The following CIT variants were observed in gnomAD, a reference collection of about 807,000 sequenced individuals.
The protein encoded by CIT is citron Rho-interacting kinase.
Under a neutral mutation model 272.7 loss-of-function variants are expected in CIT, and 79 were observed. The ratio of observed to expected loss-of-function variants is 0.29; its 90% CI spans 0.24 to 0.35. The LOEUF is 0.35. Among genes scored for constraint, CIT ranks in the 10% least tolerant of loss-of-function variants. CIT has a pLI of 1.00. For missense variants in CIT, 1,909 were observed against 2,618.3 expected (o/e 0.73, Z 5.91); for synonymous variants, 948 against 995.6 (o/e 0.95, Z 0.90).
At chr12:119,828,153 A>G (rs1321930607) in intron 7 of CIT, among the ~76,000 whole-genome samples, 1 of 152,236 alleles carries the variant, frequency 6.6e-6, no homozygotes, top group African/African-American at 2.4e-5. Context: ...ACATGATTAT[A>G]CACATTTATG....
In CIT at chr12:119,784,967, C is replaced by T. The variant is rs757319897; in HGVS notation, c.1394G>A (p.Cys465Tyr). The T allele has an allele frequency of 1.1e-5, 17 of 1,614,060 alleles. No homozygotes were observed. The South Asian group carries it at 1.8e-4, about 17-fold the overall frequency. The change falls in exon 11 of 48, where the codon TGT becomes TAT. Residue 465 changes from cysteine to tyrosine, a missense_variant. Cys to Tyr is a radical substitution (Grantham distance 194). Around this residue, in one of 8 missense-constraint regions of CIT, gnomAD observed 26 missense variants for 44.1 expected, o/e 0.59. Coordinates refer to ENST00000392521, the MANE Select transcript of CIT (RefSeq NM_001206999.2). This position sits in a 1 kb window ranked among gnomAD's most constrained non-coding sequence, Gnocchi z 4.7. Reference sequence around the variant, plus strand: ...GGCTGCGGAAATAAATACCTTGTGACACTTGTCCTGAGAGTCTTGTAGCTC... The same window carrying T: ...GGCTGCGGAAATAAATACCTTGTGATACTTGTCCTGAGAGTCTTGTAGCTC... ...SKELQDSQDK[C>Y]HKMEQEMTRL...
chr12:119,720,295 T>C (rs140735564), intron 30 of CIT, among the ~76,000 whole-genome samples, 183 bp downstream of exon 30: 2 of 152,370 alleles, frequency 1.3e-5, no homozygotes, highest in East Asian at 3.9e-4. Flanking sequence ...TGATCACTGA[T>C]ATCTTTCAGT....
chr12:119,775,922 G>A (rs896758075), intron 15 of CIT, 83 bp from the exon 16 acceptor site: 19 of 1,145,702 alleles, frequency 1.7e-5, no homozygotes, highest in Non-Finnish European at 2.2e-5. Context: ...CTATTCTCTT[G>A]AGGTTTCTAT....
intron 9 of CIT, among the ~76,000 whole-genome samples, chr12:119,817,250 G>C (rs1251626759): frequency 6.6e-6 from 1 of 152,054 alleles, no homozygotes; most frequent in Non-Finnish European, 1.5e-5. Flanking sequence ...AGTGGCTCAT[G>C]CCTGTAATCC....
intron 9 of CIT, 102 bp from the exon 10 acceptor site, chr12:119,803,491 A>G: frequency 3.7e-6 from 3 of 809,972 alleles, no homozygotes; most frequent in African/African-American, 3.6e-5. Context: ...GGCGCTGGCG[A>G]TGGCACTGCA....
rs548734150 is a variant in CIT, at chr12:119,718,092, G to A, written c.4168+153C>T. Reference sequence around the variant, plus strand: ...CAACTTCAGGTGATCCGCCCACCTCGGCCTCCCAAAGTGCTGGGGTTACAG... The same window carrying A: ...CAACTTCAGGTGATCCGCCCACCTCAGCCTCCCAAAGTGCTGGGGTTACAG... On this transcript the variant is annotated intron_variant, in intron 32 of 47. Transcript: ENST00000392521. The surrounding 1 kb of genome is among the most constrained non-coding windows in gnomAD (Gnocchi z 4.8). Among the ~76,000 whole-genome samples the A allele has an allele frequency of 4.0e-5, 6 of 151,296 alleles. No individual in the cohort carries two copies. Among genetic ancestry groups the A allele is most frequent in the Non-Finnish European group, 8.8e-5 (6 of 67,798 alleles).
chr12:119,785,862 G>C (rs1458268306), intron 10 of CIT, among the ~76,000 whole-genome samples: 2 of 152,062 alleles, frequency 1.3e-5, no homozygotes, highest in African/African-American at 4.8e-5. Flanking sequence ...TTACAGGCTT[G>C]AGCCACCAAG....
chr12:119,751,622 G>GAAA (rs71072566), intron 23 of CIT, among the ~76,000 whole-genome samples: 18 of 122,926 alleles, frequency 1.5e-4, no homozygotes, highest in East Asian at 1.5e-3. Flanking sequence ...AAAAAAAAAA[G>GAAA]TAACATGAGT....
intron 9 of CIT, among the ~76,000 whole-genome samples, chr12:119,817,858 T>G (rs942888754): frequency 6.6e-6 from 1 of 151,844 alleles, no homozygotes; most frequent in Non-Finnish European, 1.5e-5. Context: ...GATGATCACT[T>G]GAGCCCACAA....
chr12:119,736,924 A>G (rs1436172050), intron 24 of CIT, among the ~76,000 whole-genome samples: 1 of 152,228 alleles, frequency 6.6e-6, no homozygotes, highest in African/African-American at 2.4e-5. Flanking sequence ...GGCTTGGAAG[A>G]TATAAAATGG....
chr12:119,716,411 A>T (rs1957487550), intron 32 of CIT, among the ~76,000 whole-genome samples: 1 of 134,950 alleles, frequency 7.4e-6, no homozygotes, highest in African/African-American at 2.9e-5. Flanking sequence ...AAAAAAAAAA[A>T]AAAGTAAAGC....
At chr12:119,844,194 G>A (rs571874740) in intron 5 of CIT, among the ~76,000 whole-genome samples, 1 of 152,038 alleles carries the variant, frequency 6.6e-6, no homozygotes, top group East Asian at 1.9e-4. Flanking sequence ...GCTAATTTTT[G>A]TATTCTTAGT....
chr12:119,777,883 C>T (rs1321447955), intron 13 of CIT, among the ~76,000 whole-genome samples: 1 of 152,096 alleles, frequency 6.6e-6, no homozygotes, highest in Non-Finnish European at 1.5e-5. Flanking sequence ...ATAGACTTGT[C>T]CTTTAGAAGT....
chr12:119,816,700 G>C (rs929247578), intron 9 of CIT, among the ~76,000 whole-genome samples: 1 of 152,192 alleles, frequency 6.6e-6, no homozygotes, highest in Non-Finnish European at 1.5e-5. Flanking sequence ...TAGTTTTGCT[G>C]TTCGTTAACA....
Position 119,714,225 on chromosome 12 carries a change from G to C in CIT, c.4278C>G (p.His1426Gln). 1 of 1,614,052 alleles carries C rather than the reference G, an allele frequency of 6.2e-7. No individual in the cohort carries two copies. The highest frequency in any genetic ancestry group is 8.5e-7 in the Non-Finnish European group (1 of 1,180,006). The change falls in exon 33 of 48, where the codon CAC becomes CAG. Residue 1426 changes from histidine (H) to glutamine (Q), a missense_variant. By Grantham distance (24) the His-to-Gln change is conservative. Coordinates refer to ENST00000392521, the MANE Select transcript of CIT (RefSeq NM_001206999.2). ...GACATTTGGATGCCTGGCGTCCAAAGTGCACGGTATCCAGACACACAGCAC... is the reference window on the plus strand; with the variant it reads ...GACATTTGGATGCCTGGCGTCCAAACTGCACGGTATCCAGACACACAGCAC... ...TKCAVCLDTV[H>Q]FGRQASKCLE...
At chr12:119,783,866 A>C in intron 12 of CIT, 42 bp downstream of exon 12, 1 of 1,537,538 alleles carries the variant, frequency 6.5e-7, no homozygotes, top group South Asian at 1.3e-5. Flanking sequence ...ACACAACAGG[A>C]AGTGCCACCT....
chr12:119,733,722 C>A (rs1958602471), intron 26 of CIT, among the ~76,000 whole-genome samples: 2 of 151,948 alleles, frequency 1.3e-5, no homozygotes, highest in Admixed American at 1.3e-4. Context: ...CTACAATGCA[C>A]AGGACAGCCC....
chr12:119,796,629 C>A (rs1279748856), intron 10 of CIT, among the ~76,000 whole-genome samples: 1 of 152,116 alleles, frequency 6.6e-6, no homozygotes, highest in Non-Finnish European at 1.5e-5. Context: ...GTAAAACATC[C>A]TGGTGATGAG....
chr12:119,772,393 C>G (rs1265822803), intron 17 of CIT, among the ~76,000 whole-genome samples: 1 of 151,954 alleles, frequency 6.6e-6, no homozygotes, highest in Non-Finnish European at 1.5e-5. Context: ...TAGGTGAAGC[C>G]TTGAAAATTA....
Sources: allele counts gnomAD v4.1 joint callset (sites outside exome capture counted in the v4.1 genomes callset), GRCh38; gene constraint gnomAD v4.1.1; regional missense constraint gnomAD v4.1.1; non-coding constraint Gnocchi (gnomAD v3.1); transcripts MANE v1.5; gene names NCBI Gene and HGNC (gene_info 2026-07-23, HGNC 2026-07-21).